The following XRCC5 variants were observed in gnomAD, a reference collection of about 807,000 sequenced individuals.
The protein encoded by XRCC5 is DNA repair protein Ku80.
XRCC5 carries 12 observed loss-of-function variants against 95.7 expected under a neutral mutation model. The observed-to-expected ratio is 0.13, with a 90% confidence interval of 0.08 to 0.20. The LOEUF (loss-of-function observed/expected upper bound fraction) is 0.20, where lower values mean the gene tolerates loss of function less well. XRCC5 is among the 10% of genes least tolerant of loss of function. The probability of loss-of-function intolerance (pLI) is 1.00; values close to 1 mark genes in which losing one functional copy is unlikely to be tolerated. For synonymous variants in XRCC5, 281 were observed against 290.3 expected, an observed-to-expected ratio of 0.97 and a Z score of 0.33; for missense variants, 595 against 873.9, an observed-to-expected ratio of 0.68 and a Z score of 4.02.
intron 16 of XRCC5, among the ~76,000 whole-genome samples, chr2:216,162,561 C>T (rs1188993461): frequency 6.6e-6 from 1 of 151,980 alleles, no homozygotes; most frequent in Non-Finnish European, 1.5e-5. Flanking sequence ...ACCACCATGC[C>T]CAGCTAATTT....
In XRCC5 at chr2:216,112,651, G is replaced by A. The variant is rs572693854; in HGVS notation, c.22-365G>A. Among the ~76,000 whole-genome samples the A allele has an allele frequency of 2.6e-5, 4 of 152,338 alleles. No homozygotes were observed. In the East Asian group the frequency reaches 7.7e-4, roughly 29 times the overall value. On this transcript the variant is annotated intron_variant, in intron 1 of 20. Transcript: ENST00000392132. The stretch of plus-strand genomic sequence containing the variant: ...CTGTTCTCATGTTTGTAGGTCTGCA[G>A]GTCAGCTGCAGTTTGTCTGATGTAT...
chr2:216,179,960 A>C (rs1689352012), intron 16 of XRCC5, among the ~76,000 whole-genome samples: 2 of 152,190 alleles, frequency 1.3e-5, no homozygotes, highest in South Asian at 2.1e-4. Flanking sequence ...ATCTGTTTTG[A>C]AAGTAGAATT....
At chr2:216,146,042 G>T (rs1479299345) in intron 13 of XRCC5, among the ~76,000 whole-genome samples, 1 of 152,180 alleles carries the variant, frequency 6.6e-6, no homozygotes, top group African/African-American at 2.4e-5. Context: ...CAGAGTTTGG[G>T]ATCTTTTGGA....
intron 16 of XRCC5, among the ~76,000 whole-genome samples, chr2:216,170,093 G>A (rs1689131091): frequency 7.1e-6 from 1 of 140,206 alleles, no homozygotes; most frequent in Non-Finnish European, 1.5e-5. Context: ...CCCTTGTCGT[G>A]TCATGACCAA....
chr2:216,186,698 C>G (rs1262857464), intron 16 of XRCC5, among the ~76,000 whole-genome samples: 1 of 152,154 alleles, frequency 6.6e-6, no homozygotes, highest in Non-Finnish European at 1.5e-5. Context: ...GAGTCACTAA[C>G]TAATTTCGAA....
intron 19 of XRCC5, among the ~76,000 whole-genome samples, chr2:216,201,188 A>G (rs934976295): frequency 6.6e-6 from 1 of 152,234 alleles, no homozygotes; most frequent in Non-Finnish European, 1.5e-5. Context: ...CTCTTGCACC[A>G]TGTTAGTGTT....
chr2:216,169,427 G>A (rs1689113554), intron 16 of XRCC5, among the ~76,000 whole-genome samples: 3 of 152,276 alleles, frequency 2.0e-5, no homozygotes, highest in East Asian at 1.9e-4. Context: ...GAAAGTTACC[G>A]AAATCACTCT....
At chr2:216,172,464 C>CTTTCCTTTTTTTTTTTTT (rs1258491985) in intron 16 of XRCC5, among the ~76,000 whole-genome samples, 1 of 70,336 alleles carries the variant, frequency 1.4e-5, no homozygotes, top group African/African-American at 6.5e-5. Context: ...ATCAGCTTTT[C>CTTTCCTTTTTTTTTTTTT]TTTTCTTTTT....
chr2:216,205,459 T>TA lies in XRCC5; in HGVS notation c.*258dup. ...TGGTGTATTATTTTTTCTGTGGTCT[T>TA]ACTGATCTTTGTATATTACATACAT... On this transcript the variant is annotated 3_prime_UTR_variant, in exon 21 of 21. Transcript: ENST00000392132. The TA allele has an allele frequency of 1.9e-6, 1 of 523,900 alleles. No individual in the cohort carries two copies. Among genetic ancestry groups the TA allele is most frequent in the Non-Finnish European group, 3.4e-6 (1 of 293,036 alleles). The allele number at this position is 523,900 out of a possible 1,614,324, so 32.5% of individuals were successfully genotyped here.
chr2:216,124,048 A>G (rs1484200473), intron 6 of XRCC5, among the ~76,000 whole-genome samples: 1 of 152,232 alleles, frequency 6.6e-6, no homozygotes, highest in South Asian at 2.1e-4. Flanking sequence ...AATTAAATAC[A>G]TTTTAAAATT....
At chr2:216,134,687 C>T (rs1429684132) in intron 10 of XRCC5, among the ~76,000 whole-genome samples, 1 of 150,206 alleles carries the variant, frequency 6.7e-6, no homozygotes, top group African/African-American at 2.5e-5. Flanking sequence ...CCCCCCTCCT[C>T]GGCCTCCCAA....
intron 18 of XRCC5, among the ~76,000 whole-genome samples, chr2:216,194,001 C>G (rs2106049332): frequency 6.6e-6 from 1 of 152,294 alleles, no homozygotes; most frequent in South Asian, 2.1e-4. Context: ...TTTCTTCCTC[C>G]CTAGTCCTCT....
intron 16 of XRCC5, among the ~76,000 whole-genome samples, chr2:216,164,271 C>T (rs965257728): frequency 2.6e-5 from 4 of 152,292 alleles, no homozygotes; most frequent in Admixed American, 1.3e-4. Flanking sequence ...CAAGGTCCCC[C>T]GTTTGGAAGT....
At chr2:216,183,887 AG>A (rs1404092314) in intron 16 of XRCC5, among the ~76,000 whole-genome samples, 2 of 152,136 alleles carry the variant, frequency 1.3e-5, no homozygotes, top group Non-Finnish European at 2.9e-5. Context: ...GTTGCCATCC[AG>A]TGATTTATTT....
In XRCC5 at chr2:216,116,067, T is replaced by G. The variant is rs1388934122; in HGVS notation, c.136-592T>G. 2.6e-5 allele frequency among the ~76,000 whole-genome samples: 4 copies of G among 152,342 alleles called. 1 individual carries two copies. The South Asian group carries it at 8.3e-4, about 32-fold the overall frequency. On this transcript the variant is annotated intron_variant, in intron 2 of 20. Transcript: ENST00000392132. ...TCATGTTGATACGTGTTGCACAAAT[T>G]TATTCATTTTTACTGGAGTATGATA...
At chr2:216,151,322 G>C (rs1688740251) in intron 14 of XRCC5, among the ~76,000 whole-genome samples, 4 of 152,174 alleles carry the variant, frequency 2.6e-5, no homozygotes, top group African/African-American at 4.8e-5. Flanking sequence ...TCTTGGACGG[G>C]GAACTTGCAT....
intron 19 of XRCC5, among the ~76,000 whole-genome samples, chr2:216,196,838 C>T (rs772657622): frequency 7.2e-5 from 11 of 152,170 alleles, no homozygotes. Flanking sequence ...TTTGATGGAA[C>T]AACTGGGGAC....
At chr2:216,144,655 C>G (rs1390485977) in intron 13 of XRCC5, among the ~76,000 whole-genome samples, 4 of 152,142 alleles carry the variant, frequency 2.6e-5, no homozygotes, top group African/African-American at 9.7e-5. Flanking sequence ...TTTATTTTCA[C>G]AAGTGTTAAA....
intron 19 of XRCC5, among the ~76,000 whole-genome samples, chr2:216,200,193 A>G (rs1323174829): frequency 6.6e-6 from 1 of 152,032 alleles, no homozygotes; most frequent in African/African-American, 2.4e-5. Flanking sequence ...TTCACCTTAT[A>G]ATGCCGCCAA....
Sources: gnomAD v4.1 joint callset for allele counts (sites outside exome capture counted in the v4.1 genomes callset) on GRCh38, gnomAD v4.1.1 for gene constraint, MANE v1.5 for transcripts, NCBI Gene and HGNC (gene_info 2026-07-23, HGNC 2026-07-21) for gene names.